Variants in GRIN2D observed in about 807,000 individuals in gnomAD.
GRIN2D encodes glutamate receptor ionotropic, NMDA 2D.
A neutral mutation model predicts 103.2 loss-of-function variants in GRIN2D; 37 were observed. The ratio of observed to expected loss-of-function variants is 0.36; its 90% CI spans 0.28 to 0.47. GRIN2D has a LOEUF of 0.47. GRIN2D is among the 20% of genes least tolerant of loss of function. The pLI is 1.00. For missense variants in GRIN2D, 1,557 were observed against 1,910.6 expected (o/e 0.81, Z 3.45); for synonymous variants, 845 against 885.6 (o/e 0.95, Z 0.81).
Position 48,419,802 on chromosome 19 carries a change from C to T in GRIN2D, c.2079C>T (p.Leu693=). 1 of 1,612,540 alleles carries T rather than the reference C, an allele frequency of 6.2e-7. No individual in the cohort carries two copies. Among genetic ancestry groups the T allele is most frequent in the Non-Finnish European group, 8.5e-7 (1 of 1,179,170 alleles). Reference sequence around the variant, plus strand: ...AGTACGTGGATACTGTGTCTGGGCTCAGTGACCGCAAGGTGTGTGTGGGCC... The same window carrying T: ...AGTACGTGGATACTGTGTCTGGGCTTAGTGACCGCAAGGTGTGTGTGGGCC... ...QEEYVDTVSG[L]SDRKFQRPQE... Residue 693 remains leucine, a synonymous_variant, in exon 10 of 14, where the codon CTC becomes CTT. Transcript: ENST00000263269.
At chr19:48,428,672 CT>C (rs897684308) in intron 11 of GRIN2D, among the ~76,000 whole-genome samples, 12 of 152,048 alleles carry the variant, frequency 7.9e-5, no homozygotes, top group Non-Finnish European at 1.5e-4. Context: ...CCAAGTTCCC[CT>C]TTTTATAAGG....
At chr19:48,427,237 C>A (rs1231985748) in intron 11 of GRIN2D, among the ~76,000 whole-genome samples, 1 of 151,862 alleles carries the variant, frequency 6.6e-6, no homozygotes, top group Non-Finnish European at 1.5e-5. Flanking sequence ...AGGAGAACTG[C>A]ATGAGCCCTG....
chr19:48,411,373 C>G (rs1022712978), intron 4 of GRIN2D, among the ~76,000 whole-genome samples: 2 of 143,246 alleles, frequency 1.4e-5, no homozygotes, highest in Non-Finnish European at 3.1e-5. Flanking sequence ...AATAATAGGC[C>G]GGCAGTGGTG....
intron 11 of GRIN2D, among the ~76,000 whole-genome samples, chr19:48,436,990 C>T (rs1269219437): frequency 6.6e-6 from 1 of 152,124 alleles, no homozygotes; most frequent in Non-Finnish European, 1.5e-5. Flanking sequence ...ACAGCGCTGA[C>T]TCAAATGTTA....
At chr19:48,429,501 G>A (rs1182660758) in intron 11 of GRIN2D, among the ~76,000 whole-genome samples, 1 of 152,174 alleles carries the variant, frequency 6.6e-6, no homozygotes, top group African/African-American at 2.4e-5. Flanking sequence ...CTGGGTTCAA[G>A]TGATTCTCCT....
chr19:48,398,984 G>A, intron 3 of GRIN2D, 127 bp downstream of exon 3: 2 of 900,238 alleles, frequency 2.2e-6, no homozygotes, highest in Non-Finnish European at 3.0e-6. Context: ...TCCGAGTCTG[G>A]GACAAGGTGG....
At chr19:48,399,744 A>AAG (rs10649171) in intron 3 of GRIN2D, among the ~76,000 whole-genome samples, 88,821 of 151,630 alleles carry the variant, frequency 0.59, 27,472 homozygotes, top group East Asian at 0.82. Flanking sequence ...TTCTAAGTGG[A>AAG]AGTCGGAAAA....
Position 48,423,118 on chromosome 19 carries a change from G to A in GRIN2D, c.2252+1173G>A, listed in dbSNP as rs150415426. On this transcript the variant is annotated intron_variant, in intron 11 of 13. Transcript: ENST00000263269. ...CTCAGCTGCTTGGGAGGCTGAGGCA[G>A]GAGGATCGCTTGAATGCAGGAGGCG... Among the ~76,000 whole-genome samples, 917 of 152,250 alleles carry A rather than the reference G, an allele frequency of 6.0e-3. 2 individuals are homozygous for A. The highest frequency in any genetic ancestry group is 0.014 in the Middle Eastern group (4 of 294).
rs1406326967 is a variant in GRIN2D, at chr19:48,398,655, C to T, written c.263C>T (p.Ala88Val). The T allele has an allele frequency of 5.5e-6, 8 of 1,441,700 alleles. No homozygotes were observed. The highest frequency in any genetic ancestry group is 1.5e-5 in the African/African-American group (1 of 67,470). 89.3% of individuals were successfully genotyped at this position (1,441,700 alleles called of 1,614,324 possible). The change falls in exon 3 of 14, where the codon GCG becomes GTG. Residue 88 changes from alanine (A) to valine (V), a missense_variant. By Grantham distance (64) the Ala-to-Val change is moderately conservative. Around this residue, in one of 7 missense-constraint regions of GRIN2D, gnomAD observed 490 missense variants for 601.1 expected, o/e 0.82. Transcript: ENST00000263269. ...CCGGGCCTAGACGTGCGGCCCGTGG[C>T]GCTGGTGCTCAACGGCTCGGACCCG... Reference protein sequence around the residue: ...RSPGLDVRPVALVLNGSDPRS... With the variant: ...RSPGLDVRPVVLVLNGSDPRS...
chr19:48,443,286 C>T lies in GRIN2D; in HGVS notation c.3360C>T (p.Ser1120=). 1 of 1,536,148 alleles carries T rather than the reference C, an allele frequency of 6.5e-7. No homozygotes were observed. Among genetic ancestry groups the T allele is most frequent in the Non-Finnish European group, 8.7e-7 (1 of 1,150,352 alleles). ...CGTCGGACTCGGAGGACTCGGAGAGCCTGGGCGGCGCGTCGCTGGGCGGCC... is the reference window on the plus strand; with the variant it reads ...CGTCGGACTCGGAGGACTCGGAGAGTCTGGGCGGCGCGTCGCTGGGCGGCC... The part of the protein sequence containing the change: ...PSPSDSEDSE[S]LGGASLGGLE... Residue 1120 remains serine, a synonymous_variant, in exon 14 of 14, where the codon AGC becomes AGT. Coordinates refer to ENST00000263269, the MANE Select transcript of GRIN2D (RefSeq NM_000836.4). The surrounding 1 kb of genome is among the most constrained non-coding windows in gnomAD (Gnocchi z 8.9).
intron 11 of GRIN2D, among the ~76,000 whole-genome samples, chr19:48,424,560 G>A (rs1023585952): frequency 7.9e-5 from 12 of 152,058 alleles, no homozygotes; most frequent in South Asian, 2.1e-4. Context: ...GTGAGCCACC[G>A]CGCCTGGCTG....
At chr19:48,439,624 A>G (rs567748748) in intron 11 of GRIN2D, among the ~76,000 whole-genome samples, 160 of 152,294 alleles carry the variant, frequency 1.1e-3, no homozygotes, top group Non-Finnish European at 7.9e-4. Flanking sequence ...TCTTCCCACC[A>G]AGTCTTAGAA....
At position 48,398,512 on chromosome 19, in the gene GRIN2D, G is replaced by A. The variant is rs902307320; in HGVS notation, c.120G>A (p.Gly40=). 3.0e-6 allele frequency: 3 copies of A among 1,012,872 alleles called. No homozygotes were observed. In the African/African-American group the frequency reaches 5.3e-5, roughly 18 times the overall value. 62.7% of individuals were successfully genotyped at this position (1,012,872 alleles called of 1,614,324 possible). ...CGCCGGGGCCGGGCGGGGCCGGTGG[G>A]CCCGGCGGCGGCCTCGGCGGGGCGC... ...EEAPGPGGAG[G]PGGGLGGARP... Residue 40 remains glycine, a synonymous_variant, in exon 3 of 14, where the codon GGG becomes GGA. Transcript: ENST00000263269.
In GRIN2D at chr19:48,421,930, C is replaced by T. The variant is rs776806801; in HGVS notation, c.2237C>T (p.Thr746Ile). The T allele has an allele frequency of 6.2e-7, 1 of 1,614,088 alleles. No individual in the cohort carries two copies. Among genetic ancestry groups the T allele is most frequent in the East Asian group, 2.2e-5 (1 of 44,882 alleles). Residue 746 changes from threonine (T) to isoleucine (I), a missense_variant, in exon 11 of 14, where the codon ACT becomes ATT. Physicochemically the swap from Thr to Ile is moderately conservative, Grantham distance 89 (BLOSUM62 -1). Coordinates refer to ENST00000263269, the MANE Select transcript of GRIN2D (RefSeq NM_000836.4). This position sits in a 1 kb window ranked among gnomAD's most constrained non-coding sequence, Gnocchi z 4.8. ...CAGCCCCGCGTAGAGGAAGCGCTCA[C>T]TCAGCTCAAGGCAGGGTCAGCGCAG... ...YNQPRVEEAL[T>I]QLKAGKLDAF...
chr19:48,430,777 T>C (rs1370367544), intron 11 of GRIN2D, among the ~76,000 whole-genome samples: 2 of 152,030 alleles, frequency 1.3e-5, no homozygotes, highest in South Asian at 2.1e-4. Context: ...ATACTTAATA[T>C]GTTAGAAGTA....
chr19:48,419,468 C>T, intron 9 of GRIN2D, 109 bp downstream of exon 9: 2 of 1,413,750 alleles, frequency 1.4e-6, no homozygotes, highest in South Asian at 2.6e-5. Context: ...TAGGGCCTCT[C>T]GGGAGGTGCC....
In GRIN2D at chr19:48,408,354, C is replaced by A. The variant is rs1412191121; in HGVS notation, c.1085+3001C>A. 6.3e-5 allele frequency among the ~76,000 whole-genome samples: 9 copies of A among 141,792 alleles called. No homozygotes were observed. In the East Asian group the frequency reaches 1.7e-3, roughly 26 times the overall value. The allele number at this position is 141,792 out of a possible 152,430, so 93.0% of individuals were successfully genotyped here. A position where few individuals can be genotyped will look rare whatever the true frequency, so the allele number is the denominator to read the frequency against. ...ATCTCAAAAAAAAAAAAAAAAAAAT[C>A]TGGGCGTGGTAGTGTGTGCCTGTAG... On this transcript the variant is annotated intron_variant, in intron 4 of 13. Coordinates refer to ENST00000263269, the MANE Select transcript of GRIN2D (RefSeq NM_000836.4).
chr19:48,421,690 G>A lies in GRIN2D; in HGVS notation c.2092-95G>A, dbSNP rs1208184859. On this transcript the variant is annotated intron_variant, in intron 10 of 13. Coordinates refer to ENST00000263269, the MANE Select transcript of GRIN2D (RefSeq NM_000836.4). This position sits in a 1 kb window ranked among gnomAD's most constrained non-coding sequence, Gnocchi z 4.8. ...AATATTGAACACTCCTGGGACTGGGGTGTCTGCCAGATAGCGGGTGTGTCT... is the reference window on the plus strand; with the variant it reads ...AATATTGAACACTCCTGGGACTGGGATGTCTGCCAGATAGCGGGTGTGTCT... The A allele has an allele frequency of 4.1e-5, 40 of 978,444 alleles. No homozygotes were observed. Among genetic ancestry groups the A allele is most frequent in the Non-Finnish European group, 6.2e-5 (39 of 628,002 alleles). The allele number at this position is 978,444 out of a possible 1,614,324, so 60.6% of individuals were successfully genotyped here.
intron 11 of GRIN2D, among the ~76,000 whole-genome samples, chr19:48,422,954 C>T (rs190642303): frequency 1.8e-4 from 27 of 151,910 alleles, no homozygotes; most frequent in South Asian, 6.2e-4. Context: ...AGGCTGGGTG[C>T]GGCAACAGGC....
Sources: gnomAD v4.1 joint callset for allele counts (sites outside exome capture counted in the v4.1 genomes callset) on GRCh38, gnomAD v4.1.1 for gene constraint, gnomAD v4.1.1 regional missense constraint, Gnocchi (gnomAD v3.1) non-coding constraint, MANE v1.5 for transcripts, NCBI Gene and HGNC (gene_info 2026-07-23, HGNC 2026-07-21) for gene names.